Variants in AIM2 observed in about 807,000 individuals in gnomAD.
The protein encoded by AIM2 is interferon-inducible protein AIM2.
In AIM2, 30 loss-of-function variants were observed where a neutral mutation model predicts 27.7. That is an observed-to-expected ratio of 1.08 (90% CI 0.81 to 1.47). AIM2 has a LOEUF of 1.47. Among genes scored for constraint, AIM2 ranks in the 40% most tolerant of loss-of-function variants. The pLI, the probability that AIM2 is intolerant of heterozygous loss-of-function variation, is 0.00. For synonymous variants in AIM2, 141 were observed against 145.3 expected (o/e 0.97, Z 0.21); for missense variants, 358 against 411.3 (o/e 0.87, Z 1.12).
chr1:159,086,836 A>C (rs909795027), intron 1 of AIM2, among the ~76,000 whole-genome samples: 23 of 152,346 alleles, frequency 1.5e-4, no homozygotes, highest in Non-Finnish European at 2.4e-4. Flanking sequence ...AACACTAAGC[A>C]AAGTAACTGA....
chr1:159,136,993 A>AC (rs1015678582), intron 1 of AIM2, among the ~76,000 whole-genome samples: 2 of 152,116 alleles, frequency 1.3e-5, no homozygotes, highest in African/African-American at 4.8e-5. Flanking sequence ...AGACCTCTAA[A>AC]CCTGCCTACA....
chr1:159,125,499 C>T (rs767000273), intron 1 of AIM2, among the ~76,000 whole-genome samples: 23 of 152,052 alleles, frequency 1.5e-4, no homozygotes, highest in Non-Finnish European at 2.1e-4. Flanking sequence ...ACTTGTTAAG[C>T]GCCACATGGT....
chr1:159,062,860 C>T (rs1385856075), intron 5 of AIM2, 142 bp from the exon 6 acceptor site: 4 of 791,834 alleles, frequency 5.1e-6, no homozygotes. Context: ...ATACATTGGT[C>T]TGCCTTGGAT....
chr1:159,080,491 G>T (rs1423446763), upstream of AIM2, among the ~76,000 whole-genome samples: 2 of 152,150 alleles, frequency 1.3e-5, no homozygotes, highest in African/African-American at 2.4e-5. Context: ...CTTTTGTAAA[G>T]AAATCACAAG....
chr1:159,107,553 G>T (rs987714834), intron 1 of AIM2, among the ~76,000 whole-genome samples: 7 of 151,832 alleles, frequency 4.6e-5, no homozygotes, highest in Admixed American at 4.6e-4. Context: ...AAAACTCTAG[G>T]ACAGGAGCAC....
chr1:159,087,887 A>C (rs966550537), intron 1 of AIM2, among the ~76,000 whole-genome samples: 2 of 151,992 alleles, frequency 1.3e-5, no homozygotes, highest in Non-Finnish European at 1.5e-5. Context: ...ACTTTTTTTA[A>C]ATGTAATAGT....
At chr1:159,065,791 G>T in intron 4 of AIM2, 119 bp downstream of exon 4, 1 of 1,121,396 alleles carries the variant, frequency 8.9e-7, no homozygotes, top group Non-Finnish European at 1.2e-6. Flanking sequence ...TTAGAACTTT[G>T]TATTTTTTTA....
At chr1:159,075,054 C>T (rs544954160) in intron 1 of AIM2, among the ~76,000 whole-genome samples, 2 of 152,226 alleles carry the variant, frequency 1.3e-5, no homozygotes, top group East Asian at 3.9e-4. Context: ...GGTATCAATA[C>T]TTACTACAAA....
intron 1 of AIM2, among the ~76,000 whole-genome samples, chr1:159,084,826 C>A (rs1395190564): frequency 6.9e-6 from 1 of 145,544 alleles, no homozygotes. Flanking sequence ...TACAGACACA[C>A]ACACACATCC....
At chr1:159,134,660 G>A (rs1393061808) in intron 1 of AIM2, among the ~76,000 whole-genome samples, 2 of 152,068 alleles carry the variant, frequency 1.3e-5, no homozygotes, top group African/African-American at 2.4e-5. Flanking sequence ...GGTGAAACCC[G>A]GTCTCTACTA....
chr1:159,127,178 C>G (rs1350056922), intron 1 of AIM2, among the ~76,000 whole-genome samples: 5 of 152,116 alleles, frequency 3.3e-5, no homozygotes, highest in African/African-American at 1.2e-4. Context: ...TAGTGATGTT[C>G]TCATTTTAAG....
intron 1 of AIM2, among the ~76,000 whole-genome samples, chr1:159,132,931 T>G (rs995906346): frequency 2.6e-5 from 4 of 152,238 alleles, no homozygotes; most frequent in African/African-American, 9.6e-5. Context: ...TTCTCAGTTA[T>G]TCTCTGTTCA....
chr1:159,077,267 G>A (rs1656645016), upstream of AIM2, among the ~76,000 whole-genome samples: 1 of 152,220 alleles, frequency 6.6e-6, no homozygotes, highest in Non-Finnish European at 1.5e-5. Flanking sequence ...TAAGCACAAT[G>A]AAGGTATGGA....
Position 159,092,252 on chromosome 1 carries a change from T to A in AIM2, c.-15-25923A>T, listed in dbSNP as rs1490336587. ...ACCACCAAAGTGACTCAGGAAATGA[T>A]TCACCATGTTGCATAAGCTGAAAAC... is the stretch of plus-strand genomic sequence containing the variant. On this transcript the variant is annotated intron_variant, in intron 1 of 2. Coordinates refer to the AIM2 transcript ENST00000368129. 7.9e-5 allele frequency among the ~76,000 whole-genome samples: 12 copies of A among 152,340 alleles called. No individual in the cohort carries two copies. In the South Asian group the frequency reaches 1.9e-3, roughly 24 times the overall value.
At position 159,066,101 on chromosome 1, in the gene AIM2, T is replaced by C; in HGVS notation, c.625A>G (p.Ile209Val). The change falls in exon 4 of 6, where the codon ATA becomes GTA. Residue 209 changes from isoleucine (I) to valine (V), a missense_variant. Transcript: ENST00000368130. ...CCACTGTGCCGATAATATCTTGCTATTATAATTATTCTCTTTGGAATGAAT... is the reference window on the plus strand; with the variant it reads ...CCACTGTGCCGATAATATCTTGCTACTATAATTATTCTCTTTGGAATGAAT... ...DKFIPKRIII[I>V]ARYYRHSGFL... The C allele has an allele frequency of 6.2e-7, 1 of 1,614,234 alleles. No homozygotes were observed. The highest frequency in any genetic ancestry group is 1.1e-5 in the South Asian group (1 of 91,084).
At chr1:159,069,025 C>T (rs1656241091) in intron 2 of AIM2, among the ~76,000 whole-genome samples, 1 of 151,648 alleles carries the variant, frequency 6.6e-6, no homozygotes, top group South Asian at 2.1e-4. Flanking sequence ...GTTTTTAGTC[C>T]CAGCTACTTG....
At chr1:159,080,498 C>A (rs909246030), upstream of AIM2, among the ~76,000 whole-genome samples, 1 of 152,158 alleles carries the variant, frequency 6.6e-6, no homozygotes, top group Non-Finnish European at 1.5e-5. Context: ...AAAGAAATCA[C>A]AAGTAAAAGC....
chr1:159,061,888 C>T (rs922816369), downstream of AIM2, among the ~76,000 whole-genome samples: 1 of 152,042 alleles, frequency 6.6e-6, no homozygotes, highest in African/African-American at 2.4e-5. Flanking sequence ...AATCTTTAAT[C>T]TTTGCCTACA....
At chr1:159,102,565 G>A (rs545686837) in intron 1 of AIM2, among the ~76,000 whole-genome samples, 28 of 152,220 alleles carry the variant, frequency 1.8e-4, no homozygotes, top group Non-Finnish European at 3.2e-4. Flanking sequence ...AGCACCCGGC[G>A]GGGGAGCTGT....
Sources: allele counts gnomAD v4.1 joint callset (sites outside exome capture counted in the v4.1 genomes callset), GRCh38; gene constraint gnomAD v4.1.1; transcripts MANE v1.5; gene names NCBI Gene and HGNC (gene_info 2026-07-23, HGNC 2026-07-21).